The following DCBLD2 variants were observed in gnomAD, a reference collection of about 807,000 sequenced individuals.
The protein encoded by DCBLD2 is discoidin, CUB and LCCL domain-containing protein 2.
Under a neutral mutation model 86.8 loss-of-function variants are expected in DCBLD2, and 54 were observed. The observed-to-expected ratio is 0.62, with a 90% CI of 0.50 to 0.78. The LOEUF (loss-of-function observed/expected upper bound fraction) is 0.78. Among genes scored for constraint, DCBLD2 ranks in the 30% least tolerant of loss-of-function variants. DCBLD2 has a pLI of 0.00. For synonymous variants in DCBLD2, 354 were observed against 341.3 expected (o/e 1.04, Z -0.41); for missense variants, 908 against 954.2 (o/e 0.95, Z 0.64).
chr3:98,851,199 T>C (rs987932727), intron 2 of DCBLD2, among the ~76,000 whole-genome samples: 5 of 152,280 alleles, frequency 3.3e-5, no homozygotes, highest in East Asian at 3.9e-4. Flanking sequence ...GAAAACCCCA[T>C]TGTCTCAGCC....
At chr3:98,892,630 G>A (rs1359486506) in intron 1 of DCBLD2, among the ~76,000 whole-genome samples, 3 of 152,116 alleles carry the variant, frequency 2.0e-5, no homozygotes, top group African/African-American at 7.2e-5. Flanking sequence ...GAAGAACTAA[G>A]CTGAGTCCTT....
At chr3:98,885,983 A>G (rs1212642906) in intron 1 of DCBLD2, among the ~76,000 whole-genome samples, 1 of 151,716 alleles carries the variant, frequency 6.6e-6, no homozygotes, top group African/African-American at 2.4e-5. Context: ...ATCAACCTTA[A>G]AAGTGAATAG....
intron 3 of DCBLD2, among the ~76,000 whole-genome samples, chr3:98,838,145 T>TG (rs1942515982): frequency 9.2e-6 from 1 of 108,300 alleles, no homozygotes; most frequent in Non-Finnish European, 2.0e-5. Flanking sequence ...GGCGGGGGGC[T>TG]GACCCCCCCC....
intron 2 of DCBLD2, among the ~76,000 whole-genome samples, chr3:98,877,311 T>G (rs976741075): frequency 6.6e-6 from 1 of 152,214 alleles, no homozygotes; most frequent in Non-Finnish European, 1.5e-5. Context: ...AATTTTTTAA[T>G]GTAGTATTTA....
intron 3 of DCBLD2, among the ~76,000 whole-genome samples, chr3:98,844,862 G>T (rs1315914824): frequency 6.6e-6 from 1 of 152,168 alleles, no homozygotes; most frequent in East Asian, 1.9e-4. Context: ...TCTGGCCGTG[G>T]TAGATGAAAA....
chr3:98,837,995 G>A lies in DCBLD2; in HGVS notation c.571+11466C>T, dbSNP rs866096951. Among the ~76,000 whole-genome samples the A allele has an allele frequency of 1.3e-4, 11 of 82,286 alleles. No individual in the cohort carries two copies. The South Asian group carries it at 4.1e-3, about 30-fold the overall frequency. The allele number at this position is 82,286 out of a possible 152,430, so 54.0% of individuals were successfully genotyped here. On this transcript the variant is annotated intron_variant, in intron 3 of 15. Coordinates refer to ENST00000326840, the MANE Select transcript of DCBLD2 (RefSeq NM_080927.4). The stretch of plus-strand genomic sequence containing the variant: ...TCCTCACTTCCCAGTAGGGGCGGCC[G>A]GGCAGAGGCGCCCCTCACCTCCCGG...
At chr3:98,842,345 G>C (rs1942637031) in intron 3 of DCBLD2, among the ~76,000 whole-genome samples, 1 of 152,122 alleles carries the variant, frequency 6.6e-6, no homozygotes, top group Non-Finnish European at 1.5e-5. Context: ...AAATTCTCCT[G>C]ACAATATTAT....
chr3:98,884,162 T>C (rs1943520738), intron 1 of DCBLD2, among the ~76,000 whole-genome samples: 1 of 152,076 alleles, frequency 6.6e-6, no homozygotes, highest in South Asian at 2.1e-4. Flanking sequence ...TTAGTCTACT[T>C]TTAAAGGTCA....
intron 3 of DCBLD2, among the ~76,000 whole-genome samples, chr3:98,832,217 G>C (rs1400904919): frequency 6.6e-6 from 1 of 152,048 alleles, no homozygotes; most frequent in Non-Finnish European, 1.5e-5. Context: ...TTTGAGCTTT[G>C]TTCGTTTAAA....
chr3:98,859,260 A>G (rs1942995315), intron 2 of DCBLD2, among the ~76,000 whole-genome samples: 1 of 152,178 alleles, frequency 6.6e-6, no homozygotes, highest in African/African-American at 2.4e-5. Context: ...AACGCAGCTC[A>G]AGGAGGCCTG....
intron 1 of DCBLD2, among the ~76,000 whole-genome samples, chr3:98,889,141 T>C (rs1041950105): frequency 6.6e-6 from 1 of 152,026 alleles, no homozygotes; most frequent in African/African-American, 2.4e-5. Flanking sequence ...AGCATATATC[T>C]GCCTGGCAAA....
At chr3:98,820,417 A>C in intron 6 of DCBLD2, 129 bp from the exon 7 acceptor site, 1 of 581,368 alleles carries the variant, frequency 1.7e-6, no homozygotes. Context: ...TGTGGCTAAA[A>C]ATTAGACAAC....
intron 1 of DCBLD2, among the ~76,000 whole-genome samples, chr3:98,889,438 TA>T (rs781490066): frequency 1.3e-5 from 2 of 150,640 alleles, no homozygotes; most frequent in Non-Finnish European, 1.5e-5. Context: ...GGAAATAGGG[TA>T]AAAAAAAAGT....
Position 98,875,677 on chromosome 3 carries a change from C to T in DCBLD2, c.433+5863G>A, listed in dbSNP as rs115158007. On this transcript the variant is annotated intron_variant, in intron 2 of 15. Transcript: ENST00000326840. Reference sequence around the variant, plus strand: ...ACCGTAAAGCCTCTGAAAGCCTTTACAAAACAGTCACATTCTGGTATGTGG... The same window carrying T: ...ACCGTAAAGCCTCTGAAAGCCTTTATAAAACAGTCACATTCTGGTATGTGG... Among the ~76,000 whole-genome samples the T allele has an allele frequency of 6.7e-3, 1,014 of 152,212 alleles. 14 individuals are homozygous for T. The highest frequency in any genetic ancestry group is 0.023 in the African/African-American group (975 of 41,534).
intron 3 of DCBLD2, among the ~76,000 whole-genome samples, chr3:98,836,595 A>C (rs1384444828): frequency 2.7e-5 from 4 of 148,408 alleles, no homozygotes; most frequent in Admixed American, 1.4e-4. Context: ...GCCCGTTCTC[A>C]ATGAGCTGTT....
chr3:98,866,044 AT>A (rs1175835218), intron 2 of DCBLD2, among the ~76,000 whole-genome samples: 1 of 151,872 alleles, frequency 6.6e-6, no homozygotes, highest in Non-Finnish European at 1.5e-5. Context: ...TGAACTCATC[AT>A]TTTTTATGGC....
intron 2 of DCBLD2, among the ~76,000 whole-genome samples, chr3:98,857,279 GACCCAAAGAGTGA>G: frequency 6.6e-6 from 1 of 152,326 alleles, no homozygotes; most frequent in East Asian, 1.9e-4. Context: ...AGGCAGTGTG[GACCCAAAGAGTGA>G]GCAGTAGCAA....
At chr3:98,880,626 T>C (rs1026538297) in intron 2 of DCBLD2, among the ~76,000 whole-genome samples, 1 of 152,202 alleles carries the variant, frequency 6.6e-6, no homozygotes, top group Non-Finnish European at 1.5e-5. Flanking sequence ...CAGCTATAAT[T>C]GAGAACCACT....
chr3:98,859,073 G>A (rs1304368110), intron 2 of DCBLD2, among the ~76,000 whole-genome samples: 2 of 152,186 alleles, frequency 1.3e-5, no homozygotes, highest in Non-Finnish European at 2.9e-5. Context: ...CACACCAGGA[G>A]ATTACATCCC....
Sources: allele counts gnomAD v4.1 joint callset (sites outside exome capture counted in the v4.1 genomes callset), GRCh38; gene constraint gnomAD v4.1.1; transcripts MANE v1.5; gene names NCBI Gene and HGNC (gene_info 2026-07-23, HGNC 2026-07-21).